The following GLP2R variants were observed in gnomAD, a reference collection of about 807,000 sequenced individuals.
GLP2R encodes the protein glucagon like peptide 2 receptor.
Under a neutral mutation model 68.2 loss-of-function variants are expected in GLP2R, and 59 were observed. The ratio of observed to expected loss-of-function variants is 0.87; its 90% confidence interval spans 0.70 to 1.07. The LOEUF (loss-of-function observed/expected upper bound fraction) is 1.07, where lower values mean the gene tolerates loss of function less well. Ranked by LOEUF, GLP2R falls within the 50% of genes least tolerant of loss-of-function variation. The pLI is 0.00. For synonymous variants in GLP2R, 270 were observed against 265.4 expected (o/e 1.02, Z -0.17); for missense variants, 548 against 677.4 (o/e 0.81, Z 2.12).
rs763283631 is a variant in GLP2R, at chr17:9,826,028, G to A, written c.-36G>A. On this transcript the variant is annotated 5_prime_UTR_variant, in exon 1 of 13. Transcript: ENST00000262441. Reference sequence around the variant, plus strand: ...CTGCGGTGCATCTTGGACGGCTAGAGAGATGTACCCCTACTTGTGAAGGTG... The same window carrying A: ...CTGCGGTGCATCTTGGACGGCTAGAAAGATGTACCCCTACTTGTGAAGGTG... The A allele has an allele frequency of 1.3e-5, 21 of 1,572,370 alleles. No individual in the cohort carries two copies. The highest frequency in any genetic ancestry group is 1.8e-5 in the Non-Finnish European group (21 of 1,154,608).
At chr17:9,888,157 A>G (rs2067259983) in intron 12 of GLP2R, among the ~76,000 whole-genome samples, 184 bp downstream of exon 12, 4 of 152,168 alleles carry the variant, frequency 2.6e-5, no homozygotes, top group South Asian at 4.1e-4. Flanking sequence ...GACAAATGGA[A>G]AAAAGGTGTC....
At chr17:9,852,889 G>A (rs1597387543) in intron 4 of GLP2R, 4 of 448,050 alleles carry the variant, frequency 8.9e-6, no homozygotes, top group Non-Finnish European at 1.7e-5. Flanking sequence ...ACTTCCAGGG[G>A]CAGATTACTT....
chr17:9,885,773 G>A (rs375688991), intron 11 of GLP2R, among the ~76,000 whole-genome samples: 14 of 151,978 alleles, frequency 9.2e-5, no homozygotes, highest in African/African-American at 2.2e-4. Flanking sequence ...TCCTAGATTC[G>A]AGGGGAGAGA....
intron 10 of GLP2R, among the ~76,000 whole-genome samples, chr17:9,873,625 A>G (rs1240053502): frequency 4.2e-5 from 5 of 119,948 alleles, no homozygotes; most frequent in African/African-American, 1.3e-4. Flanking sequence ...CATGGGGCCC[A>G]GGACAACTCT....
intron 8 of GLP2R, 104 bp downstream of exon 8, chr17:9,861,303 C>T: frequency 3.8e-6 from 3 of 780,934 alleles, no homozygotes; most frequent in Non-Finnish European, 6.7e-6. Flanking sequence ...TCTATCCCTT[C>T]TCATTTTGGC....
chr17:9,878,011 A>T (rs1380456915), intron 10 of GLP2R, among the ~76,000 whole-genome samples: 1 of 152,236 alleles, frequency 6.6e-6, no homozygotes, highest in Non-Finnish European at 1.5e-5. Context: ...CCATAACACC[A>T]TAACATGGCA....
At chr17:9,859,636 A>AAATATATATATAT (rs1555571772) in intron 6 of GLP2R, among the ~76,000 whole-genome samples, 2 of 143,090 alleles carry the variant, frequency 1.4e-5, no homozygotes, top group African/African-American at 5.1e-5. Context: ...ACTAAAAAAA[A>AAATATATATATAT]ATATATATAT....
At chr17:9,883,642 A>G (rs1353187526) in intron 11 of GLP2R, among the ~76,000 whole-genome samples, 1 of 152,238 alleles carries the variant, frequency 6.6e-6, no homozygotes, top group Non-Finnish European at 1.5e-5. Context: ...GTAGGGACCA[A>G]TGATACAATT....
intron 1 of GLP2R, 38 bp from the exon 2 acceptor site, chr17:9,833,768 GC>G (rs769020634): frequency 1.6e-6 from 2 of 1,270,562 alleles, no homozygotes; most frequent in African/African-American, 2.9e-5. Context: ...CCACATCTGT[GC>G]TTGGTCACTG....
intron 4 of GLP2R, among the ~76,000 whole-genome samples, chr17:9,853,485 G>A (rs942722190): frequency 2.6e-5 from 4 of 152,156 alleles, no homozygotes; most frequent in Non-Finnish European, 4.4e-5. Context: ...AATTAAAGAT[G>A]AGAGAGAGAA....
chr17:9,837,907 C>T (rs922065591), intron 3 of GLP2R, among the ~76,000 whole-genome samples: 20 of 152,092 alleles, frequency 1.3e-4, no homozygotes, highest in African/African-American at 4.6e-4. Flanking sequence ...AATTTCAGCC[C>T]GATAAATCAT....
At chr17:9,860,160 A>C in intron 7 of GLP2R, 59 bp downstream of exon 7, 1 of 1,456,500 alleles carries the variant, frequency 6.9e-7, no homozygotes, top group Non-Finnish European at 9.2e-7. Context: ...TGGGAGCCTG[A>C]TAGAGACTTT....
At chr17:9,879,291 TAAATAAAATAAAATAAAATA>T (rs1555574075) in intron 10 of GLP2R, among the ~76,000 whole-genome samples, 17 of 26,800 alleles carry the variant, frequency 6.3e-4, no homozygotes, top group Admixed American at 4.3e-3. Context: ...TAAAATAAAA[TAAATAAAATAAAATAAAATA>T]AAATAAAATA....
At chr17:9,836,503 C>A in intron 3 of GLP2R, 28 bp downstream of exon 3, 1 of 1,397,446 alleles carries the variant, frequency 7.2e-7, no homozygotes, top group Non-Finnish European at 1.0e-6. Context: ...TACCAATTTT[C>A]CCCAACCAAG....
intron 6 of GLP2R, among the ~76,000 whole-genome samples, chr17:9,858,123 C>T (rs563371173): frequency 3.9e-5 from 6 of 152,316 alleles, no homozygotes; most frequent in Admixed American, 1.3e-4. Context: ...AAATATTCCA[C>T]CATTTTATAG....
intron 3 of GLP2R, among the ~76,000 whole-genome samples, chr17:9,841,723 G>A (rs948611765): frequency 1.3e-5 from 2 of 152,136 alleles, no homozygotes; most frequent in Admixed American, 6.5e-5. Flanking sequence ...GGGAGTAGGG[G>A]GCTATACCCT....
At chr17:9,860,265 A>T (rs578180193) in intron 7 of GLP2R, among the ~76,000 whole-genome samples, 164 bp downstream of exon 7, 1 of 152,340 alleles carries the variant, frequency 6.6e-6, no homozygotes, top group African/African-American at 2.4e-5. Flanking sequence ...GTGCACACAA[A>T]TGCACACATA....
rs948480365 is a variant in GLP2R at position 9,889,807 on chromosome 17, C to T, written c.*102C>T. The T allele has an allele frequency of 4.5e-5, 32 of 712,268 alleles. No individual in the cohort carries two copies. Among genetic ancestry groups the T allele is most frequent in the African/African-American group, 2.5e-4 (14 of 56,008 alleles). The allele number at this position is 712,268 out of a possible 1,614,324, so 44.1% of individuals were successfully genotyped here. ...ACGTTGCTGGGCACGGAATCATTCT[C>T]GTTCCATTCACCATGCCACTTTGAT... On this transcript the variant is annotated 3_prime_UTR_variant, in exon 13 of 13. Coordinates refer to ENST00000262441, the MANE Select transcript of GLP2R (RefSeq NM_004246.3).
At chr17:9,849,615 T>TC (rs2066873396) in intron 4 of GLP2R, among the ~76,000 whole-genome samples, 1 of 136,568 alleles carries the variant, frequency 7.3e-6, no homozygotes, top group South Asian at 2.5e-4. Context: ...TTCTTTTTTT[T>TC]TTTTTTTTTT....
Sources: allele counts gnomAD v4.1 joint callset (sites outside exome capture counted in the v4.1 genomes callset), GRCh38; gene constraint gnomAD v4.1.1; transcripts MANE v1.5; gene names NCBI Gene and HGNC (gene_info 2026-07-23, HGNC 2026-07-21).